Variants in ZNF385D observed in about 807,000 individuals in gnomAD.
The protein encoded by ZNF385D is zinc finger protein 659.
Under a neutral mutation model 35.8 loss-of-function variants are expected in ZNF385D, and 15 were observed. That is an observed-to-expected ratio of 0.42 (90% CI 0.28 to 0.64). The LOEUF (loss-of-function observed/expected upper bound fraction) is 0.64, where lower values mean the gene tolerates loss of function less well. ZNF385D is among the 30% of genes least tolerant of loss of function. The pLI is 0.23. For synonymous variants in ZNF385D, 212 were observed against 186.8 expected, an observed-to-expected ratio of 1.13 and a Z score of -1.10; for missense variants, 474 against 494.6, an observed-to-expected ratio of 0.96 and a Z score of 0.39.
intron 3 of ZNF385D, among the ~76,000 whole-genome samples, chr3:21,877,113 C>T (rs1232649328): frequency 2.0e-5 from 3 of 152,010 alleles, no homozygotes; most frequent in Admixed American, 6.6e-5. Context: ...CCCTAAGTGA[C>T]CTGTACAGGA....
chr3:21,787,224 C>T (rs1012904976), intron 3 of ZNF385D, among the ~76,000 whole-genome samples: 4 of 152,040 alleles, frequency 2.6e-5, no homozygotes, highest in Admixed American at 6.6e-5. Flanking sequence ...ATCCTCTAAT[C>T]GCTCAATGAT....
chr3:22,130,214 C>A (rs1386405950), intron 3 of ZNF385D, among the ~76,000 whole-genome samples: 4 of 152,156 alleles, frequency 2.6e-5, no homozygotes, highest in African/African-American at 9.7e-5. Context: ...GTCCTCTTTA[C>A]TCTTCCGTCT....
In ZNF385D at chr3:21,465,328, C is replaced by T. The variant is rs554480487; in HGVS notation, c.440-28125G>A. Among the ~76,000 whole-genome samples, 13 of 152,232 alleles carry T rather than the reference C, an allele frequency of 8.5e-5. No individual in the cohort carries two copies. In the South Asian group the frequency reaches 2.7e-3, roughly 32 times the overall value. On this transcript the variant is annotated intron_variant, in intron 4 of 7. Transcript: ENST00000281523. This position sits in a 1 kb window ranked among gnomAD's most constrained non-coding sequence, Gnocchi z 4.2. ...AACACACTAATTTTTAAAGGTTGTT[C>T]TCATCACTGAATATTTTGGTCTAAC...
At chr3:22,324,175 G>C (rs1356753627) in intron 2 of ZNF385D, among the ~76,000 whole-genome samples, 4 of 152,104 alleles carry the variant, frequency 2.6e-5, no homozygotes, top group African/African-American at 9.7e-5. Context: ...AATTAACTTG[G>C]AAGTGAAATA....
intron 2 of ZNF385D, among the ~76,000 whole-genome samples, chr3:22,371,265 T>C (rs924325106): frequency 2.0e-5 from 3 of 152,142 alleles, no homozygotes; most frequent in Admixed American, 6.5e-5. Flanking sequence ...CGGAATTCAG[T>C]GGTCACCTGA....
chr3:22,033,374 C>A (rs972133891), intron 3 of ZNF385D, among the ~76,000 whole-genome samples: 1 of 150,256 alleles, frequency 6.7e-6, no homozygotes. Context: ...TGCACTCCAA[C>A]CTGGGTGACA....
In ZNF385D at chr3:21,595,304, T is replaced by A. The variant is rs371249817; in HGVS notation, c.166-30620A>T. ...CAGGCGAGCCCTATTCACATATAGGTCTTCACTCTGGCACACCTGGGAGAC... is the reference window on the plus strand; with the variant it reads ...CAGGCGAGCCCTATTCACATATAGGACTTCACTCTGGCACACCTGGGAGAC... On this transcript the variant is annotated intron_variant, in intron 2 of 7. Transcript: ENST00000281523. Among the ~76,000 whole-genome samples, 67 of 152,190 alleles carry A rather than the reference T, an allele frequency of 4.4e-4. 1 individual carries two copies. The South Asian group carries it at 0.013, about 31-fold the overall frequency.
chr3:21,640,935 C>G (rs2065586563), intron 2 of ZNF385D, among the ~76,000 whole-genome samples: 1 of 152,060 alleles, frequency 6.6e-6, no homozygotes, highest in Non-Finnish European at 1.5e-5. Flanking sequence ...TGAGAACCCA[C>G]AGCTTTGCCT....
chr3:22,231,374 AG>A (rs1698880040), intron 2 of ZNF385D, among the ~76,000 whole-genome samples: 1 of 152,090 alleles, frequency 6.6e-6, no homozygotes, highest in African/African-American at 2.4e-5. Flanking sequence ...GAAAAAAAAA[AG>A]TTCCCCATTA....
At chr3:21,742,643 T>G (rs532501460) in intron 1 of ZNF385D, among the ~76,000 whole-genome samples, 5 of 152,096 alleles carry the variant, frequency 3.3e-5, no homozygotes, top group Non-Finnish European at 7.4e-5. Flanking sequence ...TCTCTCTGAG[T>G]GTAATGTGGG....
chr3:21,819,302 G>C (rs1005231963), intron 3 of ZNF385D, among the ~76,000 whole-genome samples: 4 of 151,628 alleles, frequency 2.6e-5, no homozygotes, highest in Non-Finnish European at 5.9e-5. Context: ...CTAAGCTCTA[G>C]AATTAATGAA....
chr3:22,030,917 A>G (rs1697959369), intron 3 of ZNF385D, among the ~76,000 whole-genome samples: 1 of 152,198 alleles, frequency 6.6e-6, no homozygotes, highest in Non-Finnish European at 1.5e-5. Flanking sequence ...AAAAGTTCCC[A>G]TTCCAAATGA....
intron 3 of ZNF385D, among the ~76,000 whole-genome samples, chr3:22,065,825 T>A (rs545529367): frequency 6.6e-6 from 1 of 152,326 alleles, no homozygotes; most frequent in Non-Finnish European, 1.5e-5. Flanking sequence ...TTTTGTCTTT[T>A]TCTTTTAATC....
At chr3:21,947,361 A>ATTTATTTC (rs1701843137) in intron 3 of ZNF385D, among the ~76,000 whole-genome samples, 1 of 151,060 alleles carries the variant, frequency 6.6e-6, no homozygotes, top group African/African-American at 2.4e-5. Flanking sequence ...TTATTTATTT[A>ATTTATTTC]TTTATTTTGA....
intron 2 of ZNF385D, among the ~76,000 whole-genome samples, chr3:21,613,258 C>G (rs962078196): frequency 6.6e-6 from 1 of 151,850 alleles, no homozygotes; most frequent in African/African-American, 2.4e-5. Flanking sequence ...CTCAACTTCC[C>G]CCATGAGCCC....
At chr3:22,148,080 A>G (rs961732511) in intron 3 of ZNF385D, among the ~76,000 whole-genome samples, 1 of 152,160 alleles carries the variant, frequency 6.6e-6, no homozygotes, top group African/African-American at 2.4e-5. Flanking sequence ...ATCCCACTTT[A>G]ACAACTTTAT....
At chr3:22,029,283 A>C (rs112147526) in intron 3 of ZNF385D, among the ~76,000 whole-genome samples, 125 of 152,306 alleles carry the variant, frequency 8.2e-4, no homozygotes, top group African/African-American at 2.4e-3. Context: ...CATGGAAGTA[A>C]GGAAGAGTAT....
chr3:21,936,982 A>G (rs2125262203), intron 3 of ZNF385D, among the ~76,000 whole-genome samples: 1 of 152,286 alleles, frequency 6.6e-6, no homozygotes, highest in East Asian at 1.9e-4. Flanking sequence ...TAAGTAAAAT[A>G]TTTATGGATA....
chr3:22,178,956 G>C (rs1477102567), intron 2 of ZNF385D, among the ~76,000 whole-genome samples: 1 of 149,088 alleles, frequency 6.7e-6, no homozygotes, highest in African/African-American at 2.5e-5. Flanking sequence ...CTCTGTTTTG[G>C]TACCAGTACC....
Sources: gnomAD v4.1 joint callset for allele counts (sites outside exome capture counted in the v4.1 genomes callset) on GRCh38, gnomAD v4.1.1 for gene constraint, Gnocchi (gnomAD v3.1) non-coding constraint, MANE v1.5 for transcripts, NCBI Gene and HGNC (gene_info 2026-07-23, HGNC 2026-07-21) for gene names.